The following HLTF variants were observed in gnomAD, a reference collection of about 807,000 sequenced individuals.
HLTF encodes DNA-dependent ATPase/E3 ubiquitin-protein ligase HLTF.
A neutral mutation model predicts 129.4 loss-of-function variants in HLTF; 127 were observed. The ratio of observed to expected loss-of-function variants is 0.98; its 90% confidence interval spans 0.85 to 1.14. HLTF has a LOEUF of 1.14. Ranked by LOEUF, HLTF falls within the 50% of genes most tolerant of loss-of-function variation. HLTF has a pLI of 0.00. For missense variants in HLTF, 1,139 were observed against 1,187.1 expected (o/e 0.96, Z 0.60); for synonymous variants, 332 against 388.8 (o/e 0.85, Z 1.72).
At chr3:149,033,878 A>G (rs1715346464) in intron 24 of HLTF, among the ~76,000 whole-genome samples, 1 of 152,146 alleles carries the variant, frequency 6.6e-6, no homozygotes, top group Non-Finnish European at 1.5e-5. Flanking sequence ...GTTTTAAATC[A>G]TAAAAATTTT....
intron 23 of HLTF, among the ~76,000 whole-genome samples, chr3:149,036,987 T>A (rs1429257866): frequency 6.6e-6 from 1 of 152,240 alleles, no homozygotes; most frequent in Non-Finnish European, 1.5e-5. Flanking sequence ...TATTTTGGTA[T>A]TAACCTCTTT....
chr3:149,048,225 TG>T, intron 16 of HLTF, 62 bp from the exon 17 acceptor site: 1 of 1,380,732 alleles, frequency 7.2e-7, no homozygotes, highest in Non-Finnish European at 9.8e-7. Flanking sequence ...AGTATCTATT[TG>T]GCCCAATCAG....
chr3:149,048,037 C>T lies in HLTF; in HGVS notation c.1883G>A (p.Gly628Glu), dbSNP rs1716697703. ...GTCTGAAAGTACTTACCTAAGTCCTCCTTCATCTCCCATTGTGACAGGACG... is the reference window on the plus strand; with the variant it reads ...GTCTGAAAGTACTTACCTAAGTCCTTCTTCATCTCCCATTGTGACAGGACG... ...IQRPVTMGDEGGLRRLQSLIK... is the reference protein window; with the variant it reads ...IQRPVTMGDEEGLRRLQSLIK... Residue 628 changes from glycine (G) to glutamate (E), a missense_variant, in exon 17 of 25, where the codon GGA becomes GAA. By Grantham distance (98) the Gly-to-Glu change is moderately conservative. Transcript: ENST00000310053. 1 of 1,600,370 alleles carries T rather than the reference C, an allele frequency of 6.2e-7. No homozygotes were observed. The highest frequency in any genetic ancestry group is 2.3e-5 in the East Asian group (1 of 44,380).
Position 149,084,691 on chromosome 3 carries a change from G to T in HLTF, c.219C>A (p.Tyr73Ter), listed in dbSNP as rs566709250. The change falls in exon 2 of 25, where the codon TAC (tyrosine) becomes TAA (stop). Residue 73 changes from tyrosine to a stop codon, truncating the protein, a stop_gained. Coordinates refer to ENST00000310053, the MANE Select transcript of HLTF (RefSeq NM_003071.4). LOFTEE classifies it high-confidence loss of function. ...LRGHVVGLRYYTGVVNNNEMV... is the reference protein window; with the variant it reads ...LRGHVVGLRY ...CTACTATTATACTCACTACTCCCGT[G>T]TAATAGCGTAGTCCAACCACATGAC... 2 of 1,602,322 alleles carry T rather than the reference G, an allele frequency of 1.2e-6. No homozygotes were observed. The highest frequency in any genetic ancestry group is 1.7e-5 in the Admixed American group (1 of 60,002).
intron 3 of HLTF, among the ~76,000 whole-genome samples, chr3:149,075,441 G>A (rs1307828424): frequency 6.6e-6 from 1 of 152,196 alleles, no homozygotes; most frequent in Non-Finnish European, 1.5e-5. Flanking sequence ...TACTCAGGAG[G>A]CTAAGGCAGG....
intron 2 of HLTF, among the ~76,000 whole-genome samples, chr3:149,076,371 T>C (rs2108058567): frequency 6.6e-6 from 1 of 152,346 alleles, no homozygotes; most frequent in African/African-American, 2.4e-5. Context: ...TATTGAGCGC[T>C]TACTATGTGC....
intron 2 of HLTF, among the ~76,000 whole-genome samples, chr3:149,079,253 A>G (rs1007759794): frequency 6.6e-6 from 1 of 151,798 alleles, no homozygotes; most frequent in African/African-American, 2.4e-5. Context: ...CTCTACACAT[A>G]TAAGAAGCTC....
intron 1 of HLTF, among the ~76,000 whole-genome samples, chr3:149,085,539 T>G (rs1432081278): frequency 2.0e-5 from 3 of 152,140 alleles, no homozygotes; most frequent in African/African-American, 7.2e-5. Context: ...CAATAGGGAT[T>G]GAGCTATATA....
At position 149,039,263 on chromosome 3, in the gene HLTF, C is replaced by G. The variant is rs183115500; in HGVS notation, c.2616-34G>C. 6.5e-6 allele frequency: 9 copies of G among 1,382,352 alleles called. No individual in the cohort carries two copies. In the African/African-American group the frequency reaches 1.3e-4, roughly 21 times the overall value. The allele number at this position is 1,382,352 out of a possible 1,614,324, so 85.6% of individuals were successfully genotyped here. On this transcript the variant is annotated intron_variant, in intron 22 of 24. Transcript: ENST00000310053. ...GGGAAGAAAAGAGACAAGTAACAAA[C>G]ACTATTATTATAAAAATAAAACAAA...
intron 15 of HLTF, among the ~76,000 whole-genome samples, chr3:149,049,297 T>A (rs954459077): frequency 7.9e-5 from 12 of 152,172 alleles, no homozygotes; most frequent in Non-Finnish European, 1.2e-4. Flanking sequence ...AGCTCTCTGT[T>A]GAGTCACTGG....
intron 8 of HLTF, 80 bp from the exon 9 acceptor site, chr3:149,064,946 T>G: frequency 1.3e-6 from 1 of 752,818 alleles, no homozygotes; most frequent in Non-Finnish European, 2.2e-6. Context: ...TTATATTGCT[T>G]TACTTTGCAT....
chr3:149,046,843 T>C (rs1716584382), intron 17 of HLTF, among the ~76,000 whole-genome samples: 1 of 152,200 alleles, frequency 6.6e-6, no homozygotes, highest in Non-Finnish European at 1.5e-5. Context: ...AAAAGAGATG[T>C]ATCAATTCTT....
intron 21 of HLTF, among the ~76,000 whole-genome samples, 166 bp downstream of exon 21, chr3:149,039,865 A>G (rs890213003): frequency 6.6e-6 from 1 of 152,206 alleles, no homozygotes; most frequent in African/African-American, 2.4e-5. Context: ...ATCTGAACCC[A>G]TTCCATTTCC....
intron 2 of HLTF, among the ~76,000 whole-genome samples, chr3:149,080,567 C>T (rs1277307591): frequency 3.9e-5 from 6 of 152,028 alleles, no homozygotes; most frequent in Admixed American, 6.6e-5. Context: ...TTTTTTAAAC[C>T]GGATTATGCA....
intron 14 of HLTF, among the ~76,000 whole-genome samples, chr3:149,051,235 T>TA (rs35317937): frequency 1.5e-3 from 206 of 140,218 alleles, no homozygotes; most frequent in African/African-American, 4.0e-3. Context: ...TAAGGAAGTT[T>TA]AAAAAAAAAA....
At chr3:149,042,057 A>G (rs1716172897) in intron 19 of HLTF, 109 bp downstream of exon 19, 8 of 963,132 alleles carry the variant, frequency 8.3e-6, no homozygotes, top group Admixed American at 4.3e-5. Context: ...AGCAATCTCC[A>G]TTTGACAGAA....
At chr3:149,078,699 T>C (rs1719607128) in intron 2 of HLTF, among the ~76,000 whole-genome samples, 3 of 151,416 alleles carry the variant, frequency 2.0e-5, no homozygotes, top group African/African-American at 7.3e-5. Flanking sequence ...CTACTAAAAA[T>C]ACAAAAAATT....
chr3:149,063,380 G>A (rs1006044742), intron 10 of HLTF, 51 bp downstream of exon 10: 4 of 1,218,406 alleles, frequency 3.3e-6, no homozygotes, highest in South Asian at 2.4e-5. Context: ...TTACACATAA[G>A]AAAACAGAGT....
Position 149,046,250 on chromosome 3 carries a change from C to T in HLTF, c.1902G>A (p.Gln634=). 1 of 1,512,122 alleles carries T rather than the reference C, an allele frequency of 6.6e-7. No homozygotes were observed. The highest frequency in any genetic ancestry group is 2.3e-5 in the East Asian group (1 of 43,990). 93.7% of individuals were successfully genotyped at this position (1,512,122 alleles called of 1,614,324 possible). ...TAAGTGTAATATTTTTAATTAGGGA[C>T]TGTAAACGCCTAATCAGAATAAAAC... ...MGDEGGLRRL[Q]SLIKNITLRR... The change falls in exon 18 of 25, where the codon CAG becomes CAA. Residue 634 remains glutamine (Q), a synonymous_variant. Coordinates refer to ENST00000310053, the MANE Select transcript of HLTF (RefSeq NM_003071.4).
Sources: gnomAD v4.1 joint callset for allele counts (sites outside exome capture counted in the v4.1 genomes callset) on GRCh38, gnomAD v4.1.1 for gene constraint, MANE v1.5 for transcripts, NCBI Gene and HGNC (gene_info 2026-07-23, HGNC 2026-07-21) for gene names.